Variants in PDE12 observed in about 807,000 individuals in gnomAD.
PDE12 encodes the protein 2',5'-phosphodiesterase 12.
Under a neutral mutation model 45.4 loss-of-function variants are expected in PDE12, and 26 were observed. The ratio of observed to expected loss-of-function variants is 0.57; its 90% confidence interval spans 0.42 to 0.79. PDE12 has a LOEUF of 0.79. Among genes scored for constraint, PDE12 ranks in the 30% least tolerant of loss-of-function variants. PDE12 has a pLI of 0.00. For synonymous variants in PDE12, 283 were observed against 323.9 expected, an observed-to-expected ratio of 0.87 and a Z score of 1.36; for missense variants, 668 against 790.0, an observed-to-expected ratio of 0.85 and a Z score of 1.85.
At chr3:57,624,219 C>T in the PDE12 span, among the ~76,000 whole-genome samples, 9 of 151,714 alleles carry the variant, frequency 5.9e-5, no homozygotes, top group South Asian at 1.0e-3. Context: ...GGGGCGATCT[C>T]GGCTCACTGC....
At chr3:57,582,408 A>G in the PDE12 span, among the ~76,000 whole-genome samples, 1 of 147,842 alleles carries the variant, frequency 6.8e-6, no homozygotes, top group Non-Finnish European at 1.5e-5. Context: ...ACGCCCGGCT[A>G]ATTTTTGTAT....
rs150242462 is a variant in PDE12 at position 57,563,868 on chromosome 3, A to C, written c.*3864A>C. 5 of 152,392 alleles carry C rather than the reference A, an allele frequency of 3.3e-5. No individual in the cohort carries two copies. In the East Asian group the frequency reaches 9.6e-4, roughly 29 times the overall value. 9.4% of individuals were successfully genotyped at this position (152,392 alleles called of 1,614,324 possible). On this transcript the variant is annotated 3_prime_UTR_variant, in exon 3 of 3. Coordinates refer to ENST00000311180, the MANE Select transcript of PDE12 (RefSeq NM_177966.7). ...TGCGCTGCACTCCAGCCTGGGTAAT[A>C]GAGCAAGACCCTGTCTTCAAAAAAC...
chr3:57,577,762 G>A, the PDE12 span, among the ~76,000 whole-genome samples: 2 of 152,072 alleles, frequency 1.3e-5, no homozygotes, highest in Admixed American at 6.6e-5. Context: ...TCGTGAATTT[G>A]GCCAGGCATG....
chr3:57,575,785 A>T, the PDE12 span: 15 of 1,172,088 alleles, frequency 1.3e-5, no homozygotes, highest in Non-Finnish European at 1.7e-5. Context: ...CATTAACCTA[A>T]TTTCTCGACA....
chr3:57,623,988 A>T, the PDE12 span, among the ~76,000 whole-genome samples: 2 of 152,132 alleles, frequency 1.3e-5, no homozygotes, highest in African/African-American at 4.8e-5. Context: ...AAAATTTTTT[A>T]AAAATATTTT....
chr3:57,631,598 G>T, the PDE12 span, among the ~76,000 whole-genome samples: 2 of 151,968 alleles, frequency 1.3e-5, no homozygotes, highest in Non-Finnish European at 2.9e-5. Flanking sequence ...TCCTTGGAAT[G>T]ATCCTATGTG....
chr3:57,608,190 G>A, the PDE12 span, among the ~76,000 whole-genome samples: 1 of 152,106 alleles, frequency 6.6e-6, no homozygotes. Flanking sequence ...CAAATGCTGA[G>A]AGATTTTGTC....
chr3:57,569,959 ATACCTAGCCC>A (rs1411329056), downstream of PDE12, among the ~76,000 whole-genome samples: 1 of 152,104 alleles, frequency 6.6e-6, no homozygotes, highest in Non-Finnish European at 1.5e-5. Flanking sequence ...ACTAGGTTAA[ATACCTAGCCC>A]TAACGCTGAA....
At chr3:57,599,811 A>G in the PDE12 span, among the ~76,000 whole-genome samples, 7 of 151,560 alleles carry the variant, frequency 4.6e-5, no homozygotes, top group African/African-American at 1.2e-4. Flanking sequence ...TGGAACAGCT[A>G]TAAGAACCCA....
chr3:57,598,638 G>A, the PDE12 span, among the ~76,000 whole-genome samples: 1 of 152,060 alleles, frequency 6.6e-6, no homozygotes, highest in African/African-American at 2.4e-5. Flanking sequence ...TAAATTAACC[G>A]GGCGTGGTGG....
chr3:57,624,119 C>A, the PDE12 span, among the ~76,000 whole-genome samples: 1 of 151,916 alleles, frequency 6.6e-6, no homozygotes, highest in Admixed American at 6.6e-5. Context: ...TCCCAAGTAG[C>A]TGGGACCACA....
At chr3:57,645,848 AC>A in the PDE12 span, 1 of 801,268 alleles carries the variant, frequency 1.2e-6, no homozygotes, top group Non-Finnish European at 2.0e-6. Context: ...CGGTATACAC[AC>A]AAAGGGATAC....
At chr3:57,635,836 T>C in the PDE12 span, among the ~76,000 whole-genome samples, 1 of 152,300 alleles carries the variant, frequency 6.6e-6, no homozygotes, top group East Asian at 1.9e-4. Context: ...ATACATGATT[T>C]TTTTTCCTGC....
In PDE12 at chr3:57,556,520, C is replaced by A. The variant is rs759358495; in HGVS notation, c.141C>A (p.Pro47=). Residue 47 remains proline, a synonymous_variant, in exon 1 of 3, where the codon CCC becomes CCA. Transcript: ENST00000311180. The surrounding 1 kb of genome is among the most constrained non-coding windows in gnomAD (Gnocchi z 5.0). ...TAGTGCGCTGCGTACCTTCGGAACC[C>A]AAGCTGAGCCTGTCATTCGCTTTGG... ...RAVVRCVPSE[P]KLSLSFALAD... is the part of the protein sequence containing the mutation. The A allele has an allele frequency of 3.7e-6, 6 of 1,613,532 alleles. No homozygotes were observed. The highest frequency in any genetic ancestry group is 4.2e-6 in the Non-Finnish European group (5 of 1,179,972).
chr3:57,631,716 CTTTTTTTTTTT>C, the PDE12 span, among the ~76,000 whole-genome samples: 11 of 92,016 alleles, frequency 1.2e-4, no homozygotes, highest in South Asian at 4.2e-3. Flanking sequence ...TCTCTGCTCT[CTTTTTTTTTTT>C]TTTTTTTTTT....
chr3:57,636,830 G>A, the PDE12 span, among the ~76,000 whole-genome samples: 1 of 151,680 alleles, frequency 6.6e-6, no homozygotes, highest in African/African-American at 2.4e-5. Flanking sequence ...CCAGCTACTC[G>A]GGAGGCTGAC....
the PDE12 span, among the ~76,000 whole-genome samples, chr3:57,576,169 A>T: frequency 6.6e-6 from 1 of 152,350 alleles, no homozygotes; most frequent in African/African-American, 2.4e-5. Flanking sequence ...CAGAAGTTGT[A>T]CTGATGCATG....
Position 57,556,439 on chromosome 3 carries a change from G to C in PDE12, c.60G>C (p.Lys20Asn), listed in dbSNP as rs146809473. ...ALRVIRTAVE[K>N]LSRAEAGSQT... ...GGGTGATCCGGACGGCGGTGGAGAA[G>C]CTGAGCCGGGCTGAAGCGGGGAGCC... Residue 20 changes from lysine (K) to asparagine (N), a missense_variant, in exon 1 of 3, where the codon AAG becomes AAC. Lys to Asn is a moderately conservative substitution (Grantham distance 94, BLOSUM62 0). This residue lies in a region of PDE12 where 580 missense variants were observed against 662.9 expected (regional missense o/e 0.87). Transcript: ENST00000311180. This position sits in a 1 kb window ranked among gnomAD's most constrained non-coding sequence, Gnocchi z 5.0. 1 of 1,612,310 alleles carries C rather than the reference G, an allele frequency of 6.2e-7. No individual in the cohort carries two copies. The highest frequency in any genetic ancestry group is 2.2e-5 in the East Asian group (1 of 44,838).
the PDE12 span, chr3:57,628,853 T>C: frequency 6.2e-7 from 1 of 1,613,156 alleles, no homozygotes; most frequent in Admixed American, 1.7e-5. Flanking sequence ...CTGTTTCTAC[T>C]TCTGTGTGTT....
Sources: gnomAD v4.1 joint callset for allele counts (sites outside exome capture counted in the v4.1 genomes callset) on GRCh38, gnomAD v4.1.1 for gene constraint, gnomAD v4.1.1 regional missense constraint, Gnocchi (gnomAD v3.1) non-coding constraint, MANE v1.5 for transcripts, NCBI Gene and HGNC (gene_info 2026-07-23, HGNC 2026-07-21) for gene names.